GRID2: variants seen among roughly 807,000 people sequenced by gnomAD.
GRID2 encodes the protein glutamate ionotropic receptor delta type subunit 2, also known as glutamate receptor ionotropic, delta-2.
Under a neutral mutation model 114.8 loss-of-function variants are expected in GRID2, and 33 were observed. The observed-to-expected ratio is 0.29, with a 90% CI of 0.22 to 0.38. The LOEUF is 0.38. Ranked by LOEUF, GRID2 falls within the 10% of genes least tolerant of loss-of-function variation. The pLI is 1.00. For missense variants in GRID2, 1,184 were observed against 1,257.7 expected, an observed-to-expected ratio of 0.94 and a Z score of 0.89; for synonymous variants, 505 against 449.9, an observed-to-expected ratio of 1.12 and a Z score of -1.55.
intron 1 of GRID2, among the ~76,000 whole-genome samples, chr4:92,579,016 A>G (rs1251046273): frequency 6.6e-6 from 1 of 152,124 alleles, no homozygotes; most frequent in Non-Finnish European, 1.5e-5. Context: ...TTTAAACAAC[A>G]ATATTTTTTG....
Position 93,011,537 on chromosome 4 carries a change from G to GC in GRID2, c.245-73457dup, listed in dbSNP as rs567573088. On this transcript the variant is annotated intron_variant, in intron 2 of 15. Transcript: ENST00000282020. ...GCTTTCCAGGAGCCCCCAGCCCCCA[G>GC]CAATCTCATTAGCATATGAAAATAC... 2.0e-3 allele frequency among the ~76,000 whole-genome samples: 303 copies of GC among 152,118 alleles called. 3 individuals carry two copies. Among genetic ancestry groups the GC allele is most frequent in the African/African-American group, 7.1e-3 (295 of 41,524 alleles).
chr4:93,458,545 T>G (rs1723420161), intron 11 of GRID2, among the ~76,000 whole-genome samples: 1 of 152,170 alleles, frequency 6.6e-6, no homozygotes, highest in Non-Finnish European at 1.5e-5. Context: ...AATTTTATGT[T>G]CCAGGTTGGG....
chr4:93,358,283 C>CA (rs1761538657), intron 8 of GRID2, among the ~76,000 whole-genome samples: 1 of 151,702 alleles, frequency 6.6e-6, no homozygotes, highest in African/African-American at 2.4e-5. Flanking sequence ...TTAACAGTAG[C>CA]AAAAATGACT....
At position 93,110,826 on chromosome 4, in the gene GRID2, A is replaced by G. The variant is rs137948299; in HGVS notation, c.608A>G (p.Asn203Ser). 1.9e-6 allele frequency: 3 copies of G among 1,611,996 alleles called. No homozygotes were observed. The highest frequency in any genetic ancestry group is 2.5e-6 in the Non-Finnish European group (3 of 1,178,050). Reference protein sequence around the residue: ...MDVALQKVENNINKMITTLFD... With the variant: ...MDVALQKVENSINKMITTLFD... ...GTTGCACTTCAGAAGGTAGAAAACA[A>G]CATCAATAAAATGATTACCACTCTC... Residue 203 changes from asparagine (N) to serine (S), a missense_variant, in exon 4 of 16, where the codon AAC (asparagine) becomes AGC (serine). Asn to Ser is a conservative substitution (Grantham distance 46, BLOSUM62 1). This residue lies in a region of GRID2 where 455 missense variants were observed against 429.5 expected (regional missense o/e 1.06). Transcript: ENST00000282020.
At chr4:93,675,329 C>T (rs984404992) in intron 14 of GRID2, among the ~76,000 whole-genome samples, 2 of 152,054 alleles carry the variant, frequency 1.3e-5, no homozygotes, top group Non-Finnish European at 2.9e-5. Context: ...TAGACTATCA[C>T]ATAAAATCAT....
chr4:93,738,685 A>G (rs1731129274), intron 14 of GRID2, among the ~76,000 whole-genome samples: 1 of 152,160 alleles, frequency 6.6e-6, no homozygotes, highest in Non-Finnish European at 1.5e-5. Context: ...CACTTGGAGA[A>G]GGAGAGCAAA....
At chr4:93,108,601 C>G (rs555625958) in intron 3 of GRID2, among the ~76,000 whole-genome samples, 3 of 150,542 alleles carry the variant, frequency 2.0e-5, no homozygotes, top group South Asian at 4.2e-4. Flanking sequence ...AATCAATAAT[C>G]TGCTCTGTCT....
chr4:92,650,099 T>C (rs1731850478), intron 2 of GRID2, among the ~76,000 whole-genome samples: 1 of 151,988 alleles, frequency 6.6e-6, no homozygotes, highest in African/African-American at 2.4e-5. Context: ...TCTATTACAT[T>C]TCATAATATA....
Position 92,648,638 on chromosome 4 carries a change from A to G in GRID2, c.244+58352A>G, listed in dbSNP as rs1272847098. ...GAGTAATTAATAAGACTGTATATAA[A>G]TTGCAATGGTCAAACAAGCGGTTGA... On this transcript the variant is annotated intron_variant, in intron 2 of 15. Transcript: ENST00000282020. Among the ~76,000 whole-genome samples the G allele has an allele frequency of 2.7e-5, 4 of 149,352 alleles. 1 individual carries two copies. Among genetic ancestry groups the G allele is most frequent in the African/African-American group, 1.0e-4 (4 of 39,590 alleles).
intron 2 of GRID2, among the ~76,000 whole-genome samples, chr4:93,008,212 G>T (rs1232577265): frequency 6.6e-6 from 1 of 151,878 alleles, no homozygotes; most frequent in Non-Finnish European, 1.5e-5. Flanking sequence ...TTCTAAAGTG[G>T]CGTAAAAAAT....
rs577438567 is a variant in GRID2 at position 92,829,170 on chromosome 4, C to G, written c.244+238884C>G. On this transcript the variant is annotated intron_variant, in intron 2 of 15. Transcript: ENST00000282020. Reference sequence around the variant, plus strand: ...TAGGTTTTACATTTAAGCCTTTAATCGATCTTGAGTTAATTTTTGTATAAG... The same window carrying G: ...TAGGTTTTACATTTAAGCCTTTAATGGATCTTGAGTTAATTTTTGTATAAG... 2.1e-3 allele frequency among the ~76,000 whole-genome samples: 318 copies of G among 152,212 alleles called. 5 individuals are homozygous for G. The highest frequency in any genetic ancestry group is 2.7e-3 in the Non-Finnish European group (182 of 68,014).
At chr4:93,717,330 A>G (rs1397707811) in intron 14 of GRID2, among the ~76,000 whole-genome samples, 1 of 151,900 alleles carries the variant, frequency 6.6e-6, no homozygotes, top group Non-Finnish European at 1.5e-5. Flanking sequence ...TCACTCTCTC[A>G]ATATTAATTA....
chr4:92,883,270 A>G (rs1249999690), intron 2 of GRID2, among the ~76,000 whole-genome samples: 3 of 152,208 alleles, frequency 2.0e-5, no homozygotes. Flanking sequence ...AAGTTTTACC[A>G]TAGTATTACC....
At chr4:93,435,749 A>G (rs767157511) in intron 10 of GRID2, among the ~76,000 whole-genome samples, 29 of 152,224 alleles carry the variant, frequency 1.9e-4, no homozygotes, top group South Asian at 1.0e-3. Context: ...TGGAAGAACC[A>G]GGATATTAGC....
chr4:93,558,765 T>C (rs958928804), intron 13 of GRID2, among the ~76,000 whole-genome samples: 6 of 152,182 alleles, frequency 3.9e-5, no homozygotes, highest in Middle Eastern at 6.8e-3. Flanking sequence ...AACCAAAACC[T>C]GGCAGAAACA....
At chr4:93,697,537 C>T (rs557022639) in intron 14 of GRID2, among the ~76,000 whole-genome samples, 1 of 151,974 alleles carries the variant, frequency 6.6e-6, no homozygotes, top group African/African-American at 2.4e-5. Flanking sequence ...TGTTCCATGC[C>T]AAAAATCAAT....
chr4:93,608,568 T>G (rs79251687), intron 13 of GRID2, among the ~76,000 whole-genome samples: 1 of 144,578 alleles, frequency 6.9e-6, no homozygotes, highest in African/African-American at 2.6e-5. Flanking sequence ...AGTGTTTGGT[T>G]TTTTGTTCTT....
intron 8 of GRID2, among the ~76,000 whole-genome samples, chr4:93,340,788 G>A (rs944170703): frequency 6.6e-6 from 1 of 152,138 alleles, no homozygotes; most frequent in African/African-American, 2.4e-5. Flanking sequence ...CTCTCAGAGG[G>A]CTTTCTCTTT....
chr4:92,507,517 C>T (rs1232302658), intron 1 of GRID2, among the ~76,000 whole-genome samples: 1 of 151,534 alleles, frequency 6.6e-6, no homozygotes, highest in Non-Finnish European at 1.5e-5. Context: ...TTCACTATTC[C>T]TCATAACCCC....
Sources: allele counts gnomAD v4.1 joint callset (sites outside exome capture counted in the v4.1 genomes callset), GRCh38; gene constraint gnomAD v4.1.1; regional missense constraint gnomAD v4.1.1; transcripts MANE v1.5; gene names NCBI Gene and HGNC (gene_info 2026-07-23, HGNC 2026-07-21).